MIOS: variants seen among roughly 807,000 people sequenced by gnomAD.
MIOS encodes the protein meiosis regulator for oocyte development.
MIOS carries 52 observed loss-of-function variants against 96.9 expected under a neutral mutation model. That is an observed-to-expected ratio of 0.54 (90% CI 0.43 to 0.68). MIOS has a LOEUF of 0.68. Ranked by LOEUF, MIOS falls within the 30% of genes least tolerant of loss-of-function variation. MIOS has a pLI of 0.00. For synonymous variants in MIOS, 397 were observed against 359.5 expected, an observed-to-expected ratio of 1.10 and a Z score of -1.18; for missense variants, 1,005 against 1,052.8, an observed-to-expected ratio of 0.95 and a Z score of 0.63.
At chr7:7,574,873 A>G (rs1349331250) in intron 5 of MIOS, among the ~76,000 whole-genome samples, 1 of 152,048 alleles carries the variant, frequency 6.6e-6, no homozygotes, top group Non-Finnish European at 1.5e-5. Context: ...CAGGTTGAGT[A>G]TACCTTATCC....
chr7:7,574,325 T>C, intron 5 of MIOS, 129 bp downstream of exon 5: 1 of 627,526 alleles, frequency 1.6e-6, no homozygotes, highest in East Asian at 3.1e-5. Context: ...TGTTTTCTGA[T>C]TGGATATTTC....
chr7:7,572,412 C>A lies in MIOS; in HGVS notation c.-40-24C>A. The A allele has an allele frequency of 7.9e-7, 1 of 1,263,474 alleles. No individual in the cohort carries two copies. The highest frequency in any genetic ancestry group is 1.1e-6 in the Non-Finnish European group (1 of 921,864). The allele number at this position is 1,263,474 out of a possible 1,614,324, so 78.3% of individuals were successfully genotyped here. On this transcript the variant is annotated intron_variant, in intron 3 of 12. Transcript: ENST00000340080. The surrounding 1 kb of genome is among the most constrained non-coding windows in gnomAD (Gnocchi z 4.8). Reference sequence around the variant, plus strand: ...ATTATATTTTGCTGATATTTTAAAACTTTTTATTTTTAAACATTTTCAGTG... The same window carrying A: ...ATTATATTTTGCTGATATTTTAAAAATTTTTATTTTTAAACATTTTCAGTG...
intron 11 of MIOS, among the ~76,000 whole-genome samples, chr7:7,597,039 T>A (rs571877234): frequency 1.4e-3 from 208 of 152,042 alleles, no homozygotes; most frequent in African/African-American, 4.8e-3. Flanking sequence ...TATAAAAAAT[T>A]TTTTTGGCCG....
intron 3 of MIOS, among the ~76,000 whole-genome samples, chr7:7,571,396 CT>C (rs1201048972): frequency 6.6e-6 from 1 of 152,188 alleles, no homozygotes; most frequent in Non-Finnish European, 1.5e-5. Context: ...ACTTAATCCA[CT>C]TTCTCAGAGT....
At chr7:7,592,107 G>C (rs1784066896) in intron 9 of MIOS, among the ~76,000 whole-genome samples, 1 of 152,066 alleles carries the variant, frequency 6.6e-6, no homozygotes, top group African/African-American at 2.4e-5. Context: ...TCATGCCTCA[G>C]CCTCCCGAGT....
At chr7:7,594,182 G>T (rs2286210) in intron 9 of MIOS, among the ~76,000 whole-genome samples, 21,014 of 152,134 alleles carry the variant, frequency 0.14, 1,638 homozygotes, top group East Asian at 0.28. Flanking sequence ...AGTAAGAATA[G>T]ACAGGTTTAA....
intron 9 of MIOS, among the ~76,000 whole-genome samples, chr7:7,594,325 T>A (rs200838244): frequency 7.4e-6 from 1 of 135,728 alleles, no homozygotes; most frequent in South Asian, 2.4e-4. Context: ...TTTTTTTTTT[T>A]AAATGGAGTC....
In MIOS at chr7:7,576,420, G is replaced by T. The variant is rs142435771; in HGVS notation, c.1393+2224G>T. ...GTTATAACATAGGGAAGAACAGACAGTTAATTACAGGAAGGACTCCTAATC... is the reference window on the plus strand; with the variant it reads ...GTTATAACATAGGGAAGAACAGACATTTAATTACAGGAAGGACTCCTAATC... On this transcript the variant is annotated intron_variant, in intron 5 of 12. Transcript: ENST00000340080. Among the ~76,000 whole-genome samples the T allele has an allele frequency of 3.7e-4, 56 of 152,280 alleles. 1 individual carries two copies. In the East Asian group the frequency reaches 9.1e-3, roughly 25 times the overall value.
At chr7:7,593,450 A>T (rs771298051) in intron 9 of MIOS, among the ~76,000 whole-genome samples, 20 of 152,114 alleles carry the variant, frequency 1.3e-4, no homozygotes, top group Admixed American at 3.3e-4. Context: ...TCTCTCTGAA[A>T]TTTCACTTTT....
At position 7,572,659 on chromosome 7, in the gene MIOS, T is replaced by C; in HGVS notation, c.184T>C (p.Tyr62His). The change falls in exon 4 of 13, where the codon TAT (tyrosine) becomes CAT (histidine). Residue 62 changes from tyrosine (Y) to histidine (H), a missense_variant. Tyr to His is a moderately conservative substitution (Grantham distance 83). Around this residue, in one of 3 missense-constraint regions of MIOS, gnomAD observed 137 missense variants for 148.6 expected, o/e 0.92. Coordinates refer to ENST00000340080, the MANE Select transcript of MIOS (RefSeq NM_019005.4). The surrounding 1 kb of genome is among the most constrained non-coding windows in gnomAD (Gnocchi z 4.8). ...TLLSINSDTP[Y>H]MKCVAWYLNY... ...ACTGTCAATAAATTCAGATACACCC[T>C]ATATGAAATGTGTTGCCTGGTATCT... 6.2e-7 allele frequency: 1 copy of C among 1,614,204 alleles called. No homozygotes were observed. Among genetic ancestry groups the C allele is most frequent in the South Asian group, 1.1e-5 (1 of 91,086 alleles).
At chr7:7,570,445 C>G (rs117987848) in intron 3 of MIOS, among the ~76,000 whole-genome samples, 15,197 of 151,664 alleles carry the variant, frequency 0.1, 836 homozygotes, top group Middle Eastern at 0.23. Context: ...GGACCAGTTT[C>G]ATGGAAGACA....
chr7:7,606,559 C>G (rs1205985116), intron 12 of MIOS, among the ~76,000 whole-genome samples: 1 of 152,074 alleles, frequency 6.6e-6, no homozygotes, highest in Admixed American at 6.6e-5. Flanking sequence ...GCATTTATAC[C>G]CAGTTTGTCT....
chr7:7,585,447 C>A (rs1783859750), intron 6 of MIOS, among the ~76,000 whole-genome samples, 189 bp from the exon 7 acceptor site: 1 of 141,226 alleles, frequency 7.1e-6, no homozygotes, highest in Admixed American at 7.2e-5. Context: ...TAAAGTGCAA[C>A]TTTATTAAGA....
At chr7:7,581,033 A>G (rs566238095) in intron 5 of MIOS, among the ~76,000 whole-genome samples, 2 of 150,476 alleles carry the variant, frequency 1.3e-5, no homozygotes, top group South Asian at 4.3e-4. Context: ...TGAAAAGAGT[A>G]AAAATAGGCC....
At chr7:7,583,420 A>C in intron 6 of MIOS, 48 bp downstream of exon 6, 4 of 1,471,366 alleles carry the variant, frequency 2.7e-6, no homozygotes, top group Non-Finnish European at 2.7e-6. Context: ...AGATGTTAGC[A>C]GTTCATGGAA....
At chr7:7,583,445 G>C (rs1783793893) in intron 6 of MIOS, 73 bp downstream of exon 6, 1 of 1,409,570 alleles carries the variant, frequency 7.1e-7, no homozygotes. Flanking sequence ...TTAAAGAAAA[G>C]AGGCTAATAA....
intron 11 of MIOS, among the ~76,000 whole-genome samples, chr7:7,602,684 A>T (rs1784414463): frequency 6.6e-6 from 1 of 152,208 alleles, no homozygotes; most frequent in Non-Finnish European, 1.5e-5. Flanking sequence ...CATCCCCATC[A>T]AGCTACCAAT....
chr7:7,585,650 A>G lies in MIOS; in HGVS notation c.1663A>G (p.Asn555Asp). 1 of 1,587,350 alleles carries G rather than the reference A, an allele frequency of 6.3e-7. No individual in the cohort carries two copies. Among genetic ancestry groups the G allele is most frequent in the Non-Finnish European group, 8.6e-7 (1 of 1,168,264 alleles). The change falls in exon 7 of 13, where the codon AAT (asparagine) becomes GAT (aspartate). Residue 555 changes from asparagine (N) to aspartate (D), a missense_variant. Asn to Asp is a conservative substitution (Grantham distance 23, BLOSUM62 1). Transcript: ENST00000340080. The stretch of plus-strand genomic sequence containing the variant: ...TTAATATGCAGGAGATCTGAATCTC[A>G]ATGTGGTAGCAATGGCTTTATCGGG... Reference protein sequence around the residue: ...ASSEKGDLNLNVVAMALSGYT... With the variant: ...ASSEKGDLNLDVVAMALSGYT...
rs777540189 is a variant in MIOS, at chr7:7,585,823, T to C, written c.1818+18T>C. ...GAGTTTTGGTAAGCTAACTTGTTTT[T>C]TAAGATCTTCCTTTGAATTAAGATA... On this transcript the variant is annotated intron_variant, in intron 7 of 12. Coordinates refer to ENST00000340080, the MANE Select transcript of MIOS (RefSeq NM_019005.4). 1.3e-6 allele frequency: 2 copies of C among 1,582,388 alleles called. No individual in the cohort carries two copies. The highest frequency in any genetic ancestry group is 2.3e-5 in the South Asian group (2 of 85,388).
Sources: gnomAD v4.1 joint callset for allele counts (sites outside exome capture counted in the v4.1 genomes callset) on GRCh38, gnomAD v4.1.1 for gene constraint, gnomAD v4.1.1 regional missense constraint, Gnocchi (gnomAD v3.1) non-coding constraint, MANE v1.5 for transcripts, NCBI Gene and HGNC (gene_info 2026-07-23, HGNC 2026-07-21) for gene names.